Variants in SIMC1 observed in about 807,000 individuals in gnomAD.
The protein encoded by SIMC1 is SUMO interacting motifs containing 1.
SIMC1 carries 55 observed loss-of-function variants against 82.3 expected under a neutral mutation model. The ratio of observed to expected loss-of-function variants is 0.67; its 90% CI spans 0.54 to 0.84. SIMC1 has a LOEUF of 0.84. SIMC1 is among the 40% of genes least tolerant of loss of function. The pLI is 0.00. For missense variants in SIMC1, 915 were observed against 1,107.2 expected (o/e 0.83, Z 2.46); for synonymous variants, 353 against 426.3 (o/e 0.83, Z 2.12).
At position 176,275,222 on chromosome 5, in the gene SIMC1, T is replaced by G. The variant is rs867721840; in HGVS notation, c.130-14432T>G. On this transcript the variant is annotated intron_variant, in intron 1 of 9. Transcript: ENST00000429602. The stretch of plus-strand genomic sequence containing the variant: ...TTGTAAGTTGGATTCCTAGGTATTT[T>G]ATTCTCTTTGAAGCAATTGTGAATG... Among the ~76,000 whole-genome samples, 559 of 151,890 alleles carry G rather than the reference T, an allele frequency of 3.7e-3. 4 individuals carry two copies. Among genetic ancestry groups the G allele is most frequent in the African/African-American group, 0.013 (531 of 41,498 alleles).
rs537743976 is a variant in SIMC1 at position 176,276,439 on chromosome 5, AT to A, written c.130-13206del. On this transcript the variant is annotated intron_variant, in intron 1 of 9. Transcript: ENST00000429602. ...AAAAAACCAGATCCTGGATTCATTAATTTTTTTTTCTTTTTTTTTTATTATA... is the reference window on the plus strand; with the variant it reads ...AAAAAACCAGATCCTGGATTCATTAATTTTTTTTCTTTTTTTTTTATTATA... Among the ~76,000 whole-genome samples the A allele has an allele frequency of 1.2e-4, 17 of 141,522 alleles. 2 individuals are homozygous for A. The highest frequency in any genetic ancestry group is 3.1e-4 in the African/African-American group (12 of 38,600). 92.8% of individuals were successfully genotyped at this position (141,522 alleles called of 152,430 possible).
chr5:176,280,149 T>C (rs1420268554), intron 1 of SIMC1, among the ~76,000 whole-genome samples: 1 of 152,184 alleles, frequency 6.6e-6, no homozygotes, highest in African/African-American at 2.4e-5. Context: ...TTTATGAATC[T>C]GGGTGCTCCT....
At chr5:176,253,060 G>A (rs1289407362) in intron 1 of SIMC1, among the ~76,000 whole-genome samples, 2 of 152,352 alleles carry the variant, frequency 1.3e-5, no homozygotes, top group Admixed American at 6.5e-5. Context: ...AATCAGGCAG[G>A]GAGGTTGCAG....
chr5:176,280,515 A>G (rs2113219677), intron 1 of SIMC1, among the ~76,000 whole-genome samples: 1 of 149,420 alleles, frequency 6.7e-6, no homozygotes, highest in South Asian at 2.1e-4. Context: ...TAGTTGATGC[A>G]GTTTCTTCCT....
chr5:176,254,098 A>G lies in SIMC1; in HGVS notation c.129+15461A>G, dbSNP rs1581220152. Among the ~76,000 whole-genome samples, 5 of 152,318 alleles carry G rather than the reference A, an allele frequency of 3.3e-5. No homozygotes were observed. In the East Asian group the frequency reaches 9.7e-4, roughly 29 times the overall value. ...ATAGATAATATAGACCAATTTTGTC[A>G]TCTAGGATCCCATGACTGGGTGGAA... On this transcript the variant is annotated intron_variant, in intron 1 of 9. Coordinates refer to ENST00000429602, the MANE Select transcript of SIMC1 (RefSeq NM_001308195.2).
intron 9 of SIMC1, among the ~76,000 whole-genome samples, chr5:176,340,279 A>G (rs957746248): frequency 6.6e-6 from 1 of 152,166 alleles, no homozygotes; most frequent in Admixed American, 6.5e-5. Context: ...AATTGAGCTC[A>G]TGTTCTTGTT....
At chr5:176,263,431 A>C (rs1415081681) in intron 1 of SIMC1, 2 of 1,544,820 alleles carry the variant, frequency 1.3e-6, no homozygotes, top group Non-Finnish European at 8.7e-7. Flanking sequence ...AACAAGAAGC[A>C]TGGCACCAGC....
At chr5:176,283,689 G>A (rs1335470943) in intron 1 of SIMC1, among the ~76,000 whole-genome samples, 4 of 152,164 alleles carry the variant, frequency 2.6e-5, no homozygotes, top group Non-Finnish European at 5.9e-5. Flanking sequence ...AACCTTAAAT[G>A]TAGATGTGCC....
At chr5:176,331,662 C>G (rs1315564418) in intron 7 of SIMC1, among the ~76,000 whole-genome samples, 1 of 150,956 alleles carries the variant, frequency 6.6e-6, no homozygotes, top group Non-Finnish European at 1.5e-5. Context: ...AACAGACAGA[C>G]AGATGGATAA....
chr5:176,322,236 GA>G, intron 5 of SIMC1, 36 bp from the exon 6 acceptor site: 1 of 1,517,466 alleles, frequency 6.6e-7, no homozygotes, highest in Non-Finnish European at 8.8e-7. Context: ...CACAGAAAAA[GA>G]AAGAATAAAC....
chr5:176,301,552 C>T lies in SIMC1; in HGVS notation c.1734+5232C>T, dbSNP rs550254763. ...CAGCACTTTGGGAGGCCAAGGTGGG[C>T]GGATTGCTTGAGGCCAGGAGTTCAA... On this transcript the variant is annotated intron_variant, in intron 4 of 9. Coordinates refer to ENST00000429602, the MANE Select transcript of SIMC1 (RefSeq NM_001308195.2). Among the ~76,000 whole-genome samples, 2 of 152,062 alleles carry T rather than the reference C, an allele frequency of 1.3e-5. 1 individual carries two copies. The highest frequency in any genetic ancestry group is 2.9e-5 in the Non-Finnish European group (2 of 68,000).
In SIMC1 at chr5:176,295,078, G is replaced by GTAA. The variant is rs749862630; in HGVS notation, c.1481_1483dup (p.Val494_Thr495insIle). ...CATCCCTCATCGAAGACTAAGAATGGTAACAAATACCATTGAAGAGAATTT... is the reference window on the plus strand; with the variant it reads ...CATCCCTCATCGAAGACTAAGAATGGTAATAACAAATACCATTGAAGAGAATTT... On this transcript the variant is annotated inframe_insertion, in exon 3 of 10. Coordinates refer to ENST00000429602, the MANE Select transcript of SIMC1 (RefSeq NM_001308195.2). 3.1e-6 allele frequency: 5 copies of GTAA among 1,613,148 alleles called. No individual in the cohort carries two copies. The East Asian group carries it at 1.1e-4, about 36-fold the overall frequency.
rs544808879 is a variant in SIMC1, at chr5:176,318,643, G to A, written c.1890-3630G>A. Among the ~76,000 whole-genome samples the A allele has an allele frequency of 7.9e-5, 12 of 152,260 alleles. No individual in the cohort carries two copies. In the South Asian group the frequency reaches 2.3e-3, roughly 29 times the overall value. ...CATTCCTAGTAGCTTTCTAAGAAAG[G>A]TGTATAGGAAGTAAAGTTTTTGAGA... On this transcript the variant is annotated intron_variant, in intron 5 of 9. Transcript: ENST00000429602.
chr5:176,304,801 C>T (rs1002082978), intron 4 of SIMC1, among the ~76,000 whole-genome samples: 3 of 151,584 alleles, frequency 2.0e-5, no homozygotes, highest in African/African-American at 7.3e-5. Context: ...GCCCGGCTGC[C>T]CATTGTCTGA....
Position 176,238,628 on chromosome 5 carries a change from C to T in SIMC1, c.120C>T (p.Arg40=), listed in dbSNP as rs1761197378. ...CGCGAACCTCCGGCGCGCTGCCCCG[C>T]CGGACCGTGGTGAGTGAGCGTCGCC... ...ALSRTSGALP[R]RTVDFIDLTR... The change falls in exon 1 of 10, where the codon CGC becomes CGT. Residue 40 remains arginine, a synonymous_variant. Coordinates refer to ENST00000429602, the MANE Select transcript of SIMC1 (RefSeq NM_001308195.2). 8.2e-7 allele frequency: 1 copy of T among 1,219,762 alleles called. No homozygotes were observed. The highest frequency in any genetic ancestry group is 3.5e-5 in the East Asian group (1 of 28,276). The allele number at this position is 1,219,762 out of a possible 1,614,324, so 75.6% of individuals were successfully genotyped here.
At chr5:176,331,113 T>C (rs920900300) in intron 7 of SIMC1, among the ~76,000 whole-genome samples, 2 of 151,970 alleles carry the variant, frequency 1.3e-5, no homozygotes, top group African/African-American at 4.8e-5. Context: ...TTTTCAAAAA[T>C]GTCAGTATCC....
At chr5:176,340,316 C>T (rs4623164) in intron 9 of SIMC1, among the ~76,000 whole-genome samples, 1 of 152,124 alleles carries the variant, frequency 6.6e-6, no homozygotes, top group Non-Finnish European at 1.5e-5. Flanking sequence ...CAATCCCCCC[C>T]ACCCCAGTTG....
chr5:176,249,004 A>G (rs1761552676), intron 1 of SIMC1, among the ~76,000 whole-genome samples: 1 of 152,164 alleles, frequency 6.6e-6, no homozygotes, highest in African/African-American at 2.4e-5. Flanking sequence ...TTGGTGTGCC[A>G]GTATTTTATT....
chr5:176,285,230 A>C (rs2113237899), intron 1 of SIMC1, among the ~76,000 whole-genome samples: 1 of 152,290 alleles, frequency 6.6e-6, no homozygotes, highest in South Asian at 2.1e-4. Flanking sequence ...TTGATGCAAA[A>C]ATCCTCAATA....
Sources: gnomAD v4.1 joint callset for allele counts (sites outside exome capture counted in the v4.1 genomes callset) on GRCh38, gnomAD v4.1.1 for gene constraint, MANE v1.5 for transcripts, NCBI Gene and HGNC (gene_info 2026-07-23, HGNC 2026-07-21) for gene names.